ZNF600: variants seen among roughly 807,000 people sequenced by gnomAD.
ZNF600 encodes the protein zinc finger protein 600.
A neutral mutation model predicts 7.3 loss-of-function variants in ZNF600; 4 were observed. The ratio of observed to expected loss-of-function variants is 0.55; its 90% CI spans 0.27 to 1.25. The LOEUF (loss-of-function observed/expected upper bound fraction) is 1.25. ZNF600 is among the 50% of genes most tolerant of loss of function. The probability of loss-of-function intolerance (pLI) is 0.12; values close to 1 mark genes in which losing one functional copy is unlikely to be tolerated. For missense variants in ZNF600, 911 were observed against 922.1 expected, an observed-to-expected ratio of 0.99 and a Z score of 0.16; for synonymous variants, 290 against 308.9, an observed-to-expected ratio of 0.94 and a Z score of 0.64.
At chr19:52,799,341 A>G in the ZNF600 span, 1 of 491,692 alleles carries the variant, frequency 2.0e-6, no homozygotes. Flanking sequence ...CTTGTCATAA[A>G]CCTTACATCT....
the ZNF600 span, chr19:52,799,210 C>G: frequency 2.6e-6 from 1 of 384,382 alleles, no homozygotes; most frequent in Non-Finnish European, 5.1e-6. Flanking sequence ...ATACGAATTG[C>G]CTTTTGAATT....
chr19:52,781,317 C>T (rs550010627), intron 1 of ZNF600: 3 of 152,096 alleles, frequency 2.0e-5, no homozygotes, highest in Non-Finnish European at 4.4e-5. Context: ...TATTCCTCAC[C>T]TCTATGTTAC....
the ZNF600 span, among the ~76,000 whole-genome samples, chr19:52,808,289 T>C: frequency 6.6e-6 from 1 of 152,204 alleles, no homozygotes; most frequent in African/African-American, 2.4e-5. Context: ...TTATTATACT[T>C]TTTGAAGTGA....
chr19:52,765,222 G>A (rs183556955), exon 4 of ZNF600: 544 of 538,344 alleles, frequency 1.0e-3, no homozygotes, highest in African/African-American at 9.3e-3. Flanking sequence ...GAGTGACCTC[G>A]GACTCAAGAC....
the ZNF600 span, chr19:52,808,246 T>G: frequency 6.6e-7 from 1 of 1,525,136 alleles, no homozygotes; most frequent in South Asian, 1.3e-5. Flanking sequence ...TTCTCACAAA[T>G]CCGAGTGACG....
the ZNF600 span, among the ~76,000 whole-genome samples, chr19:52,803,732 T>A: frequency 6.4e-4 from 98 of 152,246 alleles, no homozygotes; most frequent in Non-Finnish European, 1.2e-3. Flanking sequence ...TTTGGTAGGC[T>A]GAGGCAGGTA....
At chr19:52,825,085 C>T in the ZNF600 span, among the ~76,000 whole-genome samples, 1 of 151,998 alleles carries the variant, frequency 6.6e-6, no homozygotes, top group African/African-American at 2.4e-5. Flanking sequence ...GCTTTTACAC[C>T]TGGGGGTAGG....
chr19:52,815,660 T>TA, the ZNF600 span, among the ~76,000 whole-genome samples: 2 of 145,648 alleles, frequency 1.4e-5, no homozygotes, highest in Non-Finnish European at 3.0e-5. Context: ...CCATCTCTAC[T>TA]AAAAATACAA....
At chr19:52,795,492 A>T in the ZNF600 span, among the ~76,000 whole-genome samples, 109,114 of 151,834 alleles carry the variant, frequency 0.72, 40,633 homozygotes, top group Non-Finnish European at 0.83. Context: ...AAATTTTTCA[A>T]TACATATCAT....
chr19:52,781,075 A>C lies in ZNF600; in HGVS notation c.-19-2168T>G, dbSNP rs10404745. The stretch of plus-strand genomic sequence containing the variant: ...CGAGGCCTGCAGGGGACATGGAGTC[A>C]TGTAGGTGGGTTAAAGCTGTGAGAT... On this transcript the variant is annotated intron_variant, in intron 1 of 3. Coordinates refer to ENST00000648973, the Ensembl canonical transcript of ZNF600. The C allele has an allele frequency of 6.6e-6, 1 of 152,056 alleles. No individual in the cohort carries two copies. Among genetic ancestry groups the C allele is most frequent in the African/African-American group, 2.4e-5 (1 of 41,356 alleles). The allele number at this position is 152,056 out of a possible 1,614,324, so 9.4% of individuals were successfully genotyped here.
At chr19:52,823,846 T>C in the ZNF600 span, among the ~76,000 whole-genome samples, 2 of 152,038 alleles carry the variant, frequency 1.3e-5, no homozygotes, top group Admixed American at 6.6e-5. Context: ...ACAGATGGCC[T>C]GAGGTCGGAA....
exon 4 of ZNF600, chr19:52,765,756 T>G (rs775954242): frequency 1.4e-5 from 22 of 1,613,888 alleles, no homozygotes; most frequent in Non-Finnish European, 1.7e-5. Context: ...AACCTTACAT[T>G]TGTATGGTTT....
chr19:52,801,405 T>C, the ZNF600 span: 5 of 1,614,216 alleles, frequency 3.1e-6, no homozygotes, highest in Non-Finnish European at 4.2e-6. Flanking sequence ...TTCAGGCAGA[T>C]GCGAATGAAA....
chr19:52,812,243 C>T, the ZNF600 span, among the ~76,000 whole-genome samples: 21 of 138,148 alleles, frequency 1.5e-4, 4 homozygotes, highest in East Asian at 1.4e-3. Flanking sequence ...CTCTGCCCGG[C>T]CACGACCCCG....
chr19:52,818,248 C>T, the ZNF600 span, among the ~76,000 whole-genome samples: 646 of 152,254 alleles, frequency 4.2e-3, 6 homozygotes, highest in African/African-American at 0.015. Context: ...CTGGGATGAG[C>T]TCCCCTTCAG....
chr19:52,831,215 C>T, the ZNF600 span, among the ~76,000 whole-genome samples: 1 of 152,180 alleles, frequency 6.6e-6, no homozygotes, highest in African/African-American at 2.4e-5. Context: ...AATTCCCTGG[C>T]TGAGTAGGTA....
At chr19:52,800,610 T>G in the ZNF600 span, 1 of 1,613,802 alleles carries the variant, frequency 6.2e-7, no homozygotes, top group Non-Finnish European at 8.5e-7. Flanking sequence ...AACCTTACAT[T>G]TGTATGGTTT....
chr19:52,766,478 A>G, exon 4 of ZNF600: 1 of 1,612,298 alleles, frequency 6.2e-7, no homozygotes, highest in Non-Finnish European at 8.5e-7. Context: ...GAAGATCTGA[A>G]TTTTGACCAA....
the ZNF600 span, among the ~76,000 whole-genome samples, chr19:52,814,811 A>G: frequency 0.63 from 91,732 of 144,980 alleles, 32,943 homozygotes; most frequent in Non-Finnish European, 0.72. Context: ...CGCTTGAACC[A>G]GGAAGGCAGA....
Sources: gnomAD v4.1 joint callset for allele counts (sites outside exome capture counted in the v4.1 genomes callset) on GRCh38, gnomAD v4.1.1 for gene constraint, MANE v1.5 for transcripts, NCBI Gene and HGNC (gene_info 2026-07-23, HGNC 2026-07-21) for gene names.